ZMYM4: variants seen among roughly 807,000 people sequenced by gnomAD.
ZMYM4 encodes zinc finger MYM-type containing 4, also known as zinc finger MYM-type protein 4.
Under a neutral mutation model 183.2 loss-of-function variants are expected in ZMYM4, and 31 were observed. The observed-to-expected ratio is 0.17, with a 90% CI of 0.13 to 0.23. The LOEUF is 0.23. ZMYM4 is among the 10% of genes least tolerant of loss of function. ZMYM4 has a pLI of 1.00. For synonymous variants in ZMYM4, 592 were observed against 631.2 expected (o/e 0.94, Z 0.93); for missense variants, 1,273 against 1,840.3 (o/e 0.69, Z 5.64).
chr1:35,386,292 TAAAG>T, intron 11 of ZMYM4, 103 bp downstream of exon 11: 1 of 781,716 alleles, frequency 1.3e-6, no homozygotes, highest in Non-Finnish European at 2.0e-6. Context: ...GGGTAATTTA[TAAAG>T]AAAGAGGTTT....
chr1:35,370,878 C>T (rs1360065231), intron 7 of ZMYM4: 1 of 359,376 alleles, frequency 2.8e-6, no homozygotes, highest in Non-Finnish European at 4.7e-6. Flanking sequence ...AACCAGCTCT[C>T]CCATCCTTGT....
In ZMYM4 at chr1:35,389,932, A is replaced by G. The variant is rs758923303; in HGVS notation, c.2437-16A>G. On this transcript the variant is annotated splice_polypyrimidine_tract_variant and intron_variant, in intron 14 of 29. Coordinates refer to ENST00000314607, the MANE Select transcript of ZMYM4 (RefSeq NM_005095.3). The surrounding 1 kb of genome is among the most constrained non-coding windows in gnomAD (Gnocchi z 4.0). ...ATAATTTGTTTCTTACTCCTTGACT[A>G]CCTTCTTCTTTTTAGATGGCCAAAT... The G allele has an allele frequency of 1.4e-5, 23 of 1,602,780 alleles. No individual in the cohort carries two copies. The highest frequency in any genetic ancestry group is 1.9e-5 in the Non-Finnish European group (22 of 1,172,204).
chr1:35,380,528 G>A (rs545984822), intron 7 of ZMYM4, among the ~76,000 whole-genome samples: 2 of 152,000 alleles, frequency 1.3e-5, no homozygotes, highest in African/African-American at 2.4e-5. Context: ...GGGTTTCACC[G>A]TGTTAGCCAG....
At chr1:35,351,454 C>T in intron 2 of ZMYM4, 1 of 1,572,428 alleles carries the variant, frequency 6.4e-7, no homozygotes, top group Non-Finnish European at 8.7e-7. Context: ...GCTCATGCTG[C>T]TATACGAGAG....
At chr1:35,374,220 G>T (rs571915684) in intron 7 of ZMYM4, among the ~76,000 whole-genome samples, 1 of 151,532 alleles carries the variant, frequency 6.6e-6, no homozygotes, top group South Asian at 2.1e-4. Context: ...TTTTAGTAGA[G>T]ATGGGGTTTC....
At chr1:35,305,515 T>C (rs1641495839) in intron 1 of ZMYM4, among the ~76,000 whole-genome samples, 1 of 151,906 alleles carries the variant, frequency 6.6e-6, no homozygotes, top group Non-Finnish European at 1.5e-5. Flanking sequence ...GCCACCATGC[T>C]TGGCTGAGTG....
chr1:35,321,679 C>T (rs1270053511), intron 1 of ZMYM4, among the ~76,000 whole-genome samples: 1 of 151,688 alleles, frequency 6.6e-6, no homozygotes, highest in Non-Finnish European at 1.5e-5. Context: ...ACAGTACCTA[C>T]CTTATGAGAT....
rs1236650805 is a variant in ZMYM4 at position 35,389,777 on chromosome 1, A to ATG, written c.2437-170_2437-169insGT. On this transcript the variant is annotated intron_variant, in intron 14 of 29. Transcript: ENST00000314607. This position sits in a 1 kb window ranked among gnomAD's most constrained non-coding sequence, Gnocchi z 4.0. ...CTCAAAAAAAAAAAAAAATATATAT[A>ATG]TATATGTGTGTGTGTGTGTGTGTGT... is the stretch of plus-strand genomic sequence containing the variant. Among the ~76,000 whole-genome samples, 1 of 129,522 alleles carries ATG rather than the reference A, an allele frequency of 7.7e-6. No individual in the cohort carries two copies. The highest frequency in any genetic ancestry group is 3.8e-5 in the African/African-American group (1 of 26,566). The allele number at this position is 129,522 out of a possible 152,430, so 85.0% of individuals were successfully genotyped here. A position where few individuals can be genotyped will look rare whatever the true frequency, so the allele number is the denominator to read the frequency against.
chr1:35,385,125 G>T (rs1252422992), intron 9 of ZMYM4, among the ~76,000 whole-genome samples: 4 of 152,142 alleles, frequency 2.6e-5, no homozygotes, highest in African/African-American at 9.7e-5. Context: ...GATTATAGGG[G>T]TGAGCCACTA....
chr1:35,342,517 C>T (rs1643239623), intron 2 of ZMYM4, among the ~76,000 whole-genome samples: 1 of 152,130 alleles, frequency 6.6e-6, no homozygotes, highest in Non-Finnish European at 1.5e-5. Context: ...AAAGTAGCAT[C>T]TCAATGCATT....
Position 35,389,110 on chromosome 1 carries a change from T to G in ZMYM4, c.2436+28T>G. ...AAATAGAATTCACATTCCTGGGTTT[T>G]TCATTCTAGGGCATAAATTATTCCC... On this transcript the variant is annotated intron_variant, in intron 14 of 29. Transcript: ENST00000314607. This position sits in a 1 kb window ranked among gnomAD's most constrained non-coding sequence, Gnocchi z 4.0. 6.3e-7 allele frequency: 1 copy of G among 1,585,492 alleles called. No homozygotes were observed. The highest frequency in any genetic ancestry group is 8.6e-7 in the Non-Finnish European group (1 of 1,167,358).
At chr1:35,274,352 C>G (rs936872932) in intron 1 of ZMYM4, among the ~76,000 whole-genome samples, 75 of 152,110 alleles carry the variant, frequency 4.9e-4, no homozygotes, top group African/African-American at 1.7e-3. Flanking sequence ...TGCTTGTAAT[C>G]CTAGCACTTT....
intron 1 of ZMYM4, among the ~76,000 whole-genome samples, chr1:35,317,376 T>C: frequency 6.6e-6 from 1 of 152,098 alleles, no homozygotes; most frequent in East Asian, 1.9e-4. Flanking sequence ...GAGGCTGCAG[T>C]AAGCTGAGAT....
chr1:35,405,043 G>A lies in ZMYM4; in HGVS notation c.3549G>A (p.Val1183=). 1 of 1,611,712 alleles carries A rather than the reference G, an allele frequency of 6.2e-7. No individual in the cohort carries two copies. The highest frequency in any genetic ancestry group is 1.1e-5 in the South Asian group (1 of 90,456). The change falls in exon 24 of 30, where the codon GTG becomes GTA. Residue 1183 remains valine, a synonymous_variant. Transcript: ENST00000314607. ...PRRRGRKKSI[V]AVEPRSLIQG... ...TACAGGGACGGAAGAAGTCTATAGT[G>A]GCTGTGGAGCCCAGGAGTCTTATTC... is the stretch of plus-strand genomic sequence containing the variant.
At chr1:35,394,040 G>T (rs1451633400) in intron 18 of ZMYM4, among the ~76,000 whole-genome samples, 1 of 152,014 alleles carries the variant, frequency 6.6e-6, no homozygotes, top group East Asian at 1.9e-4. Context: ...ACATGGACAG[G>T]CTTCTAAGGA....
rs139108930 is a variant in ZMYM4, at chr1:35,298,314, G to A, written c.40-27046G>A. 8.5e-5 allele frequency among the ~76,000 whole-genome samples: 13 copies of A among 152,202 alleles called. 2 individuals carry two copies. Among genetic ancestry groups the A allele is most frequent in the African/African-American group, 2.6e-4 (11 of 41,514 alleles). On this transcript the variant is annotated intron_variant, in intron 1 of 29. Transcript: ENST00000314607. ...TCCCAGCTACTTGAGAGGCTGAGGT[G>A]GAAGGATTGCTTGAGGCCAGGAGAT...
At chr1:35,302,977 A>G (rs79209078) in intron 1 of ZMYM4, among the ~76,000 whole-genome samples, 1 of 146,294 alleles carries the variant, frequency 6.8e-6, no homozygotes, top group African/African-American at 2.5e-5. Flanking sequence ...ACTGTCTCCA[A>G]AAAAAAAAAA....
chr1:35,384,479 C>G (rs1239987246), intron 9 of ZMYM4, among the ~76,000 whole-genome samples: 2 of 152,176 alleles, frequency 1.3e-5, no homozygotes, highest in Admixed American at 1.3e-4. Context: ...GTTAATAATA[C>G]TTAGCATTAT....
chr1:35,368,747 C>T (rs1416317548), intron 5 of ZMYM4, among the ~76,000 whole-genome samples: 3 of 151,980 alleles, frequency 2.0e-5, no homozygotes, highest in Non-Finnish European at 2.9e-5. Flanking sequence ...AGATATTCAT[C>T]GTGGCATTAC....
Sources: allele counts gnomAD v4.1 joint callset (sites outside exome capture counted in the v4.1 genomes callset), GRCh38; gene constraint gnomAD v4.1.1; non-coding constraint Gnocchi (gnomAD v3.1); transcripts MANE v1.5; gene names NCBI Gene and HGNC (gene_info 2026-07-23, HGNC 2026-07-21).